FAM184A: variants seen among roughly 807,000 people sequenced by gnomAD.
FAM184A encodes the protein family with sequence similarity 184 member A, also known as protein FAM184A.
A neutral mutation model predicts 143.8 loss-of-function variants in FAM184A; 99 were observed. That is an observed-to-expected ratio of 0.69 (90% confidence interval 0.58 to 0.81). The LOEUF (loss-of-function observed/expected upper bound fraction) is 0.81. Among genes scored for constraint, FAM184A ranks in the 40% least tolerant of loss-of-function variants. The pLI is 0.00. For synonymous variants in FAM184A, 427 were observed against 446.4 expected, an observed-to-expected ratio of 0.96 and a Z score of 0.55; for missense variants, 1,217 against 1,310.5, an observed-to-expected ratio of 0.93 and a Z score of 1.10.
intron 9 of FAM184A, among the ~76,000 whole-genome samples, chr6:118,987,644 T>G (rs1393726472): frequency 6.6e-6 from 1 of 152,196 alleles, no homozygotes; most frequent in East Asian, 1.9e-4. Flanking sequence ...CTAATTCCCA[T>G]AAACCTTCAT....
At chr6:119,117,636 A>T (rs919959751) in intron 1 of FAM184A, among the ~76,000 whole-genome samples, 2 of 152,210 alleles carry the variant, frequency 1.3e-5, no homozygotes, top group African/African-American at 4.8e-5. Flanking sequence ...GAAGTACTTT[A>T]TCTTAGGTGA....
chr6:119,011,468 G>A (rs1038835749), intron 5 of FAM184A, 37 bp from the exon 6 acceptor site: 1 of 1,290,538 alleles, frequency 7.7e-7, no homozygotes, highest in Non-Finnish European at 1.1e-6. Flanking sequence ...TAACAAAATT[G>A]CAAGTATTAT....
chr6:119,028,327 C>T (rs1268309664), intron 1 of FAM184A, among the ~76,000 whole-genome samples: 1 of 152,196 alleles, frequency 6.6e-6, no homozygotes, highest in Non-Finnish European at 1.5e-5. Flanking sequence ...GGGATAGGAG[C>T]ATCTTTTGTT....
chr6:118,994,555 G>A (rs1159672702), intron 9 of FAM184A, among the ~76,000 whole-genome samples: 7 of 151,904 alleles, frequency 4.6e-5, no homozygotes, highest in African/African-American at 7.2e-5. Context: ...GCATGGTTGC[G>A]CGCACCTGTA....
chr6:119,105,313 G>A (rs1021112789), intron 1 of FAM184A, among the ~76,000 whole-genome samples: 3 of 152,114 alleles, frequency 2.0e-5, no homozygotes, highest in African/African-American at 4.8e-5. Context: ...TGTTGGAGGA[G>A]GGGCCTGGTT....
intron 2 of FAM184A, 28 bp downstream of exon 2, chr6:119,023,931 T>G: frequency 6.6e-7 from 1 of 1,511,448 alleles, no homozygotes; most frequent in Non-Finnish European, 8.8e-7. Flanking sequence ...AAAAAATCCA[T>G]GTGTTGAATA....
At chr6:119,090,813 C>G (rs1384417717) in intron 1 of FAM184A, among the ~76,000 whole-genome samples, 1 of 152,180 alleles carries the variant, frequency 6.6e-6, no homozygotes, top group Non-Finnish European at 1.5e-5. Context: ...ATCCAAATGT[C>G]TTCATCCTTG....
chr6:119,016,689 C>CACT lies in FAM184A; in HGVS notation c.1530+55_1530+57dup, dbSNP rs1268059467. On this transcript the variant is annotated intron_variant, in intron 5 of 17. Transcript: ENST00000338891. ...ACCAAGAACCCACCAATTCCGGACA[C>CACT]ACTACTACAGAAATATCATCAATTT... 5 of 1,456,118 alleles carry CACT rather than the reference C, an allele frequency of 3.4e-6. No homozygotes were observed. The African/African-American group carries it at 7.0e-5, about 20-fold the overall frequency. The allele number at this position is 1,456,118 out of a possible 1,614,324, so 90.2% of individuals were successfully genotyped here. A position where few individuals can be genotyped will look rare whatever the true frequency, so the allele number is the denominator to read the frequency against.
intron 1 of FAM184A, among the ~76,000 whole-genome samples, chr6:119,146,189 A>AAAAT: frequency 6.6e-6 from 1 of 152,242 alleles, no homozygotes; most frequent in East Asian, 1.9e-4. Flanking sequence ...AATATAATTA[A>AAAAT]AAATAAATAA....
At chr6:119,083,787 ATCT>A (rs1788139057) in intron 1 of FAM184A, among the ~76,000 whole-genome samples, 1 of 152,104 alleles carries the variant, frequency 6.6e-6, no homozygotes, top group South Asian at 2.1e-4. Context: ...ACTTTCCCAC[ATCT>A]TCTTATCTTC....
intron 1 of FAM184A, among the ~76,000 whole-genome samples, chr6:119,065,611 C>T (rs1787421803): frequency 6.6e-6 from 1 of 152,144 alleles, no homozygotes; most frequent in South Asian, 2.1e-4. Flanking sequence ...ATTCAGGAAA[C>T]ACCTGAGTAC....
At chr6:119,103,920 C>T (rs1355517753) in intron 1 of FAM184A, among the ~76,000 whole-genome samples, 6 of 128,252 alleles carry the variant, frequency 4.7e-5, no homozygotes, top group Admixed American at 9.9e-5. Context: ...AGTGAGACTC[C>T]GTGTAGAGAA....
Position 119,073,639 on chromosome 6 carries a change from G to T in FAM184A, c.159+4502C>A, listed in dbSNP as rs188549042. On this transcript the variant is annotated intron_variant, in intron 1 of 17. Transcript: ENST00000338891. ...AACAGGGGCCTGTGTCTTCAAGGGG[G>T]AAGGGTGGAAGATGCTTGTCCCACA... 1.3e-4 allele frequency among the ~76,000 whole-genome samples: 20 copies of T among 152,306 alleles called. No homozygotes were observed. The East Asian group carries it at 3.9e-3, about 29-fold the overall frequency.
At chr6:119,046,634 C>A (rs558751390) in intron 1 of FAM184A, among the ~76,000 whole-genome samples, 1 of 151,862 alleles carries the variant, frequency 6.6e-6, no homozygotes, top group South Asian at 2.1e-4. Flanking sequence ...TCATCAAAAG[C>A]ATGAATTCTT....
chr6:118,993,135 A>G (rs2114615960), intron 9 of FAM184A, among the ~76,000 whole-genome samples: 1 of 152,334 alleles, frequency 6.6e-6, no homozygotes, highest in African/African-American at 2.4e-5. Context: ...CCTATATAAT[A>G]GTCAATTTGT....
chr6:118,981,394 C>T (rs1784017003), intron 9 of FAM184A, among the ~76,000 whole-genome samples: 2 of 152,114 alleles, frequency 1.3e-5, no homozygotes, highest in Non-Finnish European at 2.9e-5. Context: ...CAACTTAAAA[C>T]ACTCTATGCT....
intron 1 of FAM184A, among the ~76,000 whole-genome samples, chr6:119,134,908 T>C (rs574793117): frequency 3.9e-5 from 6 of 152,314 alleles, no homozygotes; most frequent in African/African-American, 1.4e-4. Context: ...TGTGGGAATA[T>C]AAACTCCTAT....
intron 1 of FAM184A, among the ~76,000 whole-genome samples, chr6:119,069,332 C>G (rs892874416): frequency 6.6e-6 from 1 of 152,086 alleles, no homozygotes; most frequent in African/African-American, 2.4e-5. Flanking sequence ...CCAAAATTCA[C>G]TAGGCGAAAC....
At chr6:118,960,821 T>C in intron 17 of FAM184A, 1 of 1,365,912 alleles carries the variant, frequency 7.3e-7, no homozygotes. Context: ...GAAACTCCAG[T>C]AGTCATGTTC....
Sources: allele counts gnomAD v4.1 joint callset (sites outside exome capture counted in the v4.1 genomes callset), GRCh38; gene constraint gnomAD v4.1.1; transcripts MANE v1.5; gene names NCBI Gene and HGNC (gene_info 2026-07-23, HGNC 2026-07-21).